The following KCTD16 variants were observed in gnomAD, a reference collection of about 807,000 sequenced individuals.
KCTD16 encodes BTB/POZ domain-containing protein KCTD16.
A neutral mutation model predicts 33.2 loss-of-function variants in KCTD16; 13 were observed. The observed-to-expected ratio is 0.39, with a 90% CI of 0.25 to 0.62. The LOEUF (loss-of-function observed/expected upper bound fraction) is 0.62. Among genes scored for constraint, KCTD16 ranks in the 20% least tolerant of loss-of-function variants. The probability of loss-of-function intolerance (pLI) is 0.50; values close to 1 mark genes in which losing one functional copy is unlikely to be tolerated. For synonymous variants in KCTD16, 197 were observed against 195.3 expected (o/e 1.01, Z -0.07); for missense variants, 441 against 525.1 (o/e 0.84, Z 1.57).
intron 2 of KCTD16, among the ~76,000 whole-genome samples, chr5:144,183,561 T>C (rs1484557965): frequency 6.6e-6 from 1 of 152,178 alleles, no homozygotes; most frequent in African/African-American, 2.4e-5. Flanking sequence ...AAAAGTACCA[T>C]TCTGTTCCTC....
At chr5:144,184,072 T>C (rs1485733762) in intron 2 of KCTD16, among the ~76,000 whole-genome samples, 2 of 152,254 alleles carry the variant, frequency 1.3e-5, no homozygotes, top group Non-Finnish European at 2.9e-5. Context: ...AGACGTACTT[T>C]TTAAAATTCA....
chr5:144,233,886 A>G (rs1440471416), intron 3 of KCTD16, among the ~76,000 whole-genome samples: 5 of 152,124 alleles, frequency 3.3e-5, no homozygotes, highest in African/African-American at 1.2e-4. Context: ...GGGAGGGATC[A>G]AAAAATGCTA....
chr5:144,239,818 G>A (rs1266914937), intron 3 of KCTD16, among the ~76,000 whole-genome samples: 4 of 152,076 alleles, frequency 2.6e-5, no homozygotes, highest in African/African-American at 9.7e-5. Context: ...ATCTATTTGG[G>A]TTTATGGAGG....
intron 3 of KCTD16, among the ~76,000 whole-genome samples, chr5:144,349,315 AC>A (rs1283045197): frequency 3.9e-5 from 6 of 152,048 alleles, no homozygotes; most frequent in African/African-American, 1.4e-4. Flanking sequence ...CAGCTACATG[AC>A]CCTGGGCAAG....
At chr5:144,466,873 A>G (rs552954331) in intron 3 of KCTD16, among the ~76,000 whole-genome samples, 1 of 149,798 alleles carries the variant, frequency 6.7e-6, no homozygotes, top group East Asian at 1.9e-4. Context: ...CAATAACAAG[A>G]CATAGGGAGT....
intron 3 of KCTD16, among the ~76,000 whole-genome samples, chr5:144,448,102 T>A (rs1460225930): frequency 6.7e-6 from 1 of 149,342 alleles, no homozygotes; most frequent in Non-Finnish European, 1.5e-5. Flanking sequence ...TTCAGTCATA[T>A]CCAATTACTT....
At chr5:144,407,315 A>G (rs1000028667) in intron 3 of KCTD16, among the ~76,000 whole-genome samples, 1 of 151,632 alleles carries the variant, frequency 6.6e-6, no homozygotes, top group Admixed American at 6.6e-5. Flanking sequence ...TATCACTTAA[A>G]CTCATTAAAT....
chr5:144,471,342 T>C (rs201985679), intron 3 of KCTD16, among the ~76,000 whole-genome samples: 2 of 152,126 alleles, frequency 1.3e-5, no homozygotes, highest in East Asian at 3.8e-4. Context: ...TTCAGCAGGG[T>C]TTATGGCCAA....
intron 3 of KCTD16, among the ~76,000 whole-genome samples, chr5:144,295,384 C>T (rs749708672): frequency 6.6e-6 from 1 of 152,132 alleles, no homozygotes; most frequent in East Asian, 1.9e-4. Flanking sequence ...AGAGTTTTCC[C>T]AGGAGAAACT....
intron 3 of KCTD16, among the ~76,000 whole-genome samples, chr5:144,314,125 T>C (rs1413761041): frequency 6.6e-6 from 1 of 152,196 alleles, no homozygotes; most frequent in African/African-American, 2.4e-5. Context: ...AATTTCCTCC[T>C]CACTTTCATT....
At chr5:144,394,108 C>T (rs1034322735) in intron 3 of KCTD16, among the ~76,000 whole-genome samples, 3 of 152,016 alleles carry the variant, frequency 2.0e-5, no homozygotes, top group Admixed American at 6.6e-5. Flanking sequence ...ATTTTCCCAT[C>T]GACTTTCTAG....
intron 3 of KCTD16, among the ~76,000 whole-genome samples, chr5:144,416,444 T>C (rs778518962): frequency 2.6e-5 from 4 of 152,300 alleles, no homozygotes; most frequent in South Asian, 4.2e-4. Context: ...GGGAATGTTA[T>C]GAAGATTGAA....
intron 3 of KCTD16, among the ~76,000 whole-genome samples, chr5:144,264,763 C>A (rs1356833526): frequency 6.6e-6 from 1 of 152,082 alleles, no homozygotes; most frequent in Non-Finnish European, 1.5e-5. Context: ...TACAGTGAGA[C>A]CCTGTCTCAA....
At chr5:144,306,313 T>C (rs1751602582) in intron 3 of KCTD16, among the ~76,000 whole-genome samples, 2 of 152,238 alleles carry the variant, frequency 1.3e-5, no homozygotes, top group African/African-American at 4.8e-5. Flanking sequence ...TCAAAGCAGT[T>C]TGCGTTTTTG....
intron 3 of KCTD16, among the ~76,000 whole-genome samples, chr5:144,330,797 C>T (rs1752340085): frequency 6.6e-6 from 1 of 152,202 alleles, no homozygotes; most frequent in Non-Finnish European, 1.5e-5. Flanking sequence ...CAGACTTGAA[C>T]TGCATTCAAG....
chr5:144,212,545 A>G (rs1022440375), intron 3 of KCTD16, among the ~76,000 whole-genome samples: 2 of 152,182 alleles, frequency 1.3e-5, no homozygotes, highest in African/African-American at 4.8e-5. Flanking sequence ...TAATCAAAGA[A>G]ATTAGAAATG....
chr5:144,389,791 A>G (rs1008588694), intron 3 of KCTD16, among the ~76,000 whole-genome samples: 2 of 152,232 alleles, frequency 1.3e-5, no homozygotes, highest in Non-Finnish European at 2.9e-5. Flanking sequence ...ATGCACAAGC[A>G]TGCTGATAAA....
intron 3 of KCTD16, among the ~76,000 whole-genome samples, chr5:144,409,646 G>A (rs1027792444): frequency 6.6e-6 from 1 of 151,958 alleles, no homozygotes; most frequent in African/African-American, 2.4e-5. Context: ...ATCACCCGAG[G>A]TCAGGGTTCG....
intron 3 of KCTD16, among the ~76,000 whole-genome samples, chr5:144,421,753 T>A (rs1202439747): frequency 6.6e-6 from 1 of 152,048 alleles, no homozygotes; most frequent in Non-Finnish European, 1.5e-5. Flanking sequence ...GTAGGAACAA[T>A]GATAAAGATG....
Sources: gnomAD v4.1 joint callset for allele counts (sites outside exome capture counted in the v4.1 genomes callset) on GRCh38, gnomAD v4.1.1 for gene constraint, MANE v1.5 for transcripts, NCBI Gene and HGNC (gene_info 2026-07-23, HGNC 2026-07-21) for gene names.